RUFY2: variants seen among roughly 807,000 people sequenced by gnomAD.
RUFY2 encodes the protein RUN and FYVE domain-containing protein 2.
RUFY2 carries 49 observed loss-of-function variants against 94.4 expected under a neutral mutation model. The observed-to-expected ratio is 0.52, with a 90% CI of 0.41 to 0.66. The LOEUF (loss-of-function observed/expected upper bound fraction) is 0.66. Ranked by LOEUF, RUFY2 falls within the 30% of genes least tolerant of loss-of-function variation. The probability of loss-of-function intolerance (pLI) is 0.00; values close to 1 mark genes in which losing one functional copy is unlikely to be tolerated. For missense variants in RUFY2, 541 were observed against 692.8 expected (o/e 0.78, Z 2.46); for synonymous variants, 255 against 235.7 (o/e 1.08, Z -0.75).
At chr10:68,365,239 A>G (rs2047723088) in intron 13 of RUFY2, among the ~76,000 whole-genome samples, 1 of 152,200 alleles carries the variant, frequency 6.6e-6, no homozygotes, top group African/African-American at 2.4e-5. Context: ...TTTTACTACA[A>G]AGTTAAAATT....
Position 68,381,287 on chromosome 10 carries a change from C to T in RUFY2, c.1052G>A (p.Arg351Gln), listed in dbSNP as rs779542369. 6 of 1,613,644 alleles carry T rather than the reference C, an allele frequency of 3.7e-6. No individual in the cohort carries two copies. Among genetic ancestry groups the T allele is most frequent in the Admixed American group, 3.3e-5 (2 of 59,958 alleles). Residue 351 changes from arginine (R) to glutamine (Q), a missense_variant, in exon 11 of 18, where the codon CGA becomes CAA. Physicochemically the swap from Arg to Gln is conservative, Grantham distance 43. Transcript: ENST00000602465. ...TGCTTTAACTTCCTCTAGTTGTTGT[C>T]GAAGGCCTATCAGAGTATCTTGTTT... The part of the protein sequence containing the change: ...HEKQDTLIGL[R>Q]QQLEEVKAIN...
At chr10:68,391,179 A>C (rs61855074) in intron 7 of RUFY2, among the ~76,000 whole-genome samples, 1 of 146,972 alleles carries the variant, frequency 6.8e-6, no homozygotes, top group Non-Finnish European at 1.5e-5. Context: ...CAAGTGATCC[A>C]CATGCCTCGG....
At chr10:68,380,503 AAATT>A (rs1258115548) in intron 11 of RUFY2, among the ~76,000 whole-genome samples, 6 of 152,170 alleles carry the variant, frequency 3.9e-5, no homozygotes, top group African/African-American at 1.2e-4. Flanking sequence ...GACATTTTTC[AAATT>A]AATTAAATTG....
At chr10:68,364,815 C>T (rs903886523) in intron 13 of RUFY2, among the ~76,000 whole-genome samples, 4 of 151,820 alleles carry the variant, frequency 2.6e-5, no homozygotes, top group Non-Finnish European at 4.4e-5. Context: ...CCACCTCAGC[C>T]TCTCAGCATC....
intron 7 of RUFY2, among the ~76,000 whole-genome samples, chr10:68,387,751 T>G (rs2049619091): frequency 6.6e-6 from 1 of 151,958 alleles, no homozygotes; most frequent in African/African-American, 2.4e-5. Flanking sequence ...ACACCCATAA[T>G]CCCAGCACTT....
chr10:68,341,507 CT>C, downstream of RUFY2: 1 of 1,115,572 alleles, frequency 9.0e-7, no homozygotes, highest in Non-Finnish European at 1.3e-6. Context: ...CTTAATTGAT[CT>C]TTTTTACAAA....
At chr10:68,348,756 C>T (rs1190213604) in intron 16 of RUFY2, among the ~76,000 whole-genome samples, 1 of 152,096 alleles carries the variant, frequency 6.6e-6, no homozygotes, top group Non-Finnish European at 1.5e-5. Context: ...TTAAAGTAAG[C>T]CTAGTGTGTC....
rs1479700438 is a variant in RUFY2, at chr10:68,376,475, TATATATATATATA to T, written c.1325+365_1325+377del. ...ATATATATATATATATATATATATA[TATATATATATATA>T]TATTCTCAGAAAACAGCATGTCCTT... is the stretch of plus-strand genomic sequence containing the variant. On this transcript the variant is annotated intron_variant, in intron 13 of 17. Transcript: ENST00000602465. 8.1e-3 allele frequency among the ~76,000 whole-genome samples: 418 copies of T among 51,886 alleles called. 37 individuals carry two copies. The highest frequency in any genetic ancestry group is 0.015 in the Middle Eastern group (2 of 130). The allele number at this position is 51,886 out of a possible 152,430, so 34.0% of individuals were successfully genotyped here. A position where few individuals can be genotyped will look rare whatever the true frequency, so the allele number is the denominator to read the frequency against.
At chr10:68,396,388 A>C (rs954497917) in intron 4 of RUFY2, among the ~76,000 whole-genome samples, 1 of 152,238 alleles carries the variant, frequency 6.6e-6, no homozygotes, top group Non-Finnish European at 1.5e-5. Flanking sequence ...AAAAACAAAA[A>C]GCCTATGAAA....
At chr10:68,387,434 T>C (rs2049593069) in intron 7 of RUFY2, among the ~76,000 whole-genome samples, 1 of 152,218 alleles carries the variant, frequency 6.6e-6, no homozygotes, top group Non-Finnish European at 1.5e-5. Context: ...TAATATTCTA[T>C]ATGTAGTATG....
At chr10:68,378,180 T>G in intron 12 of RUFY2, 3 of 990,082 alleles carry the variant, frequency 3.0e-6, no homozygotes, top group Non-Finnish European at 3.6e-6. Flanking sequence ...AAGGGAGCCA[T>G]TGGGCAAAGA....
At chr10:68,364,206 A>T in intron 13 of RUFY2, 93 bp from the exon 14 acceptor site, 4 of 1,269,126 alleles carry the variant, frequency 3.2e-6, no homozygotes, top group Non-Finnish European at 4.2e-6. Flanking sequence ...TTGGTTTATT[A>T]CTTTGGCCTT....
rs3781567 is a variant in RUFY2 at position 68,345,421 on chromosome 10, C to G, written c.*347G>C. ...GAAGCTTTAAAGTGCATTAAGAGAA[C>G]TGCAGGCACCATCAAATACCAAATT... On this transcript the variant is annotated 3_prime_UTR_variant, in exon 18 of 18. Transcript: ENST00000602465. 2.5e-6 allele frequency: 1 copy of G among 399,782 alleles called. No homozygotes were observed. Among genetic ancestry groups the G allele is most frequent in the Non-Finnish European group, 4.4e-6 (1 of 227,498 alleles). The allele number at this position is 399,782 out of a possible 1,614,324, so 24.8% of individuals were successfully genotyped here.
At chr10:68,401,570 A>C in intron 3 of RUFY2, 50 bp downstream of exon 3, 1 of 1,147,130 alleles carries the variant, frequency 8.7e-7, no homozygotes, top group Non-Finnish European at 1.3e-6. Flanking sequence ...TTGGAGGAAC[A>C]ATGAATACAC....
chr10:68,364,376 AT>A (rs1299162103), intron 13 of RUFY2, among the ~76,000 whole-genome samples: 2 of 152,210 alleles, frequency 1.3e-5, no homozygotes, highest in Non-Finnish European at 2.9e-5. Flanking sequence ...ATACATAAAT[AT>A]TGCATAAGCA....
At chr10:68,403,788 T>C (rs1452461863) in intron 2 of RUFY2, among the ~76,000 whole-genome samples, 2 of 150,438 alleles carry the variant, frequency 1.3e-5, no homozygotes, top group Non-Finnish European at 3.0e-5. Context: ...GGTAAATCTT[T>C]GAATCTTTTT....
intron 16 of RUFY2, among the ~76,000 whole-genome samples, chr10:68,348,725 C>T (rs2046453209): frequency 6.6e-6 from 1 of 152,184 alleles, no homozygotes; most frequent in South Asian, 2.1e-4. Flanking sequence ...ACCTGCCGCC[C>T]TCCCAGGAGA....
intron 3 of RUFY2, among the ~76,000 whole-genome samples, chr10:68,399,819 T>C (rs1393240285): frequency 6.6e-6 from 1 of 152,154 alleles, no homozygotes; most frequent in Non-Finnish European, 1.5e-5. Context: ...TTCTCTCTTA[T>C]TGCCCAGGCT....
chr10:68,406,968 AC>A lies in RUFY2; in HGVS notation c.4+217del, dbSNP rs1323909674. The A allele has an allele frequency of 1.9e-6, 3 of 1,541,970 alleles. No homozygotes were observed. The South Asian group carries it at 3.6e-5, about 19-fold the overall frequency. ...GAGCCCTCGGCCACTATGCCTCAGA[AC>A]CCGGGCGGGAACGGGCCGGAACAAG... On this transcript the variant is annotated intron_variant, in intron 1 of 17. Transcript: ENST00000602465.
Sources: gnomAD v4.1 joint callset for allele counts (sites outside exome capture counted in the v4.1 genomes callset) on GRCh38, gnomAD v4.1.1 for gene constraint, MANE v1.5 for transcripts, NCBI Gene and HGNC (gene_info 2026-07-23, HGNC 2026-07-21) for gene names.